Variants in TSPAN5 observed in about 807,000 individuals in gnomAD.
TSPAN5 encodes the protein tetraspanin 5.
TSPAN5 carries 10 observed loss-of-function variants against 37.1 expected under a neutral mutation model. That is an observed-to-expected ratio of 0.27 (90% CI 0.17 to 0.46). The LOEUF is 0.46. Ranked by LOEUF, TSPAN5 falls within the 20% of genes least tolerant of loss-of-function variation. TSPAN5 has a pLI of 1.00. For synonymous variants in TSPAN5, 110 were observed against 118.9 expected (o/e 0.93, Z 0.48); for missense variants, 195 against 326.6 (o/e 0.60, Z 3.11).
At chr4:98,507,523 T>C (rs1205961979) in intron 2 of TSPAN5, among the ~76,000 whole-genome samples, 155 bp downstream of exon 2, 2 of 152,208 alleles carry the variant, frequency 1.3e-5, no homozygotes, top group Non-Finnish European at 2.9e-5. Context: ...TAAAGTGTCT[T>C]TGAGAGTATG....
chr4:98,504,715 G>GA (rs1753435456), intron 2 of TSPAN5, among the ~76,000 whole-genome samples: 2 of 152,128 alleles, frequency 1.3e-5, no homozygotes, highest in Admixed American at 1.3e-4. Context: ...TGCCAAACAA[G>GA]GAAATGGCAT....
chr4:98,554,088 A>AT lies in TSPAN5; in HGVS notation c.82-46361_82-46360insA, dbSNP rs1173878842. ...TCTAAAAAAAAAATAAATTAAAAAA[A>AT]AAATGTAAAAAGCAGTCTTGATGAG... On this transcript the variant is annotated intron_variant, in intron 1 of 7. Transcript: ENST00000305798. 1.0e-3 allele frequency among the ~76,000 whole-genome samples: 157 copies of AT among 151,268 alleles called. 1 individual carries two copies. The highest frequency in any genetic ancestry group is 7.8e-3 in the East Asian group (40 of 5,120).
At chr4:98,651,684 G>A (rs1196746716) in intron 1 of TSPAN5, among the ~76,000 whole-genome samples, 1 of 152,092 alleles carries the variant, frequency 6.6e-6, no homozygotes, top group Non-Finnish European at 1.5e-5. Context: ...TGGAAATGAT[G>A]GGGAGACAGA....
At chr4:98,603,226 T>G (rs1755925727) in intron 1 of TSPAN5, among the ~76,000 whole-genome samples, 1 of 152,222 alleles carries the variant, frequency 6.6e-6, no homozygotes, top group Non-Finnish European at 1.5e-5. Flanking sequence ...CTAATCATTT[T>G]ACCTACTAGT....
At chr4:98,478,543 A>T in intron 5 of TSPAN5, 142 bp downstream of exon 5, 1 of 941,042 alleles carries the variant, frequency 1.1e-6, no homozygotes, top group Non-Finnish European at 1.6e-6. Flanking sequence ...GGAAGATTTG[A>T]GCACCATAAC....
intron 1 of TSPAN5, among the ~76,000 whole-genome samples, chr4:98,563,870 G>A (rs1754933182): frequency 6.6e-6 from 1 of 152,130 alleles, no homozygotes. Flanking sequence ...GGCATCTAGT[G>A]GGTAGAGGTT....
intron 1 of TSPAN5, among the ~76,000 whole-genome samples, chr4:98,570,894 A>ACT (rs1755103692): frequency 1.3e-5 from 2 of 151,880 alleles, no homozygotes; most frequent in African/African-American, 4.8e-5. Flanking sequence ...CTCACCTACC[A>ACT]GTACCCTGAG....
intron 1 of TSPAN5, among the ~76,000 whole-genome samples, chr4:98,554,016 G>A (rs191880066): frequency 2.0e-5 from 3 of 151,966 alleles, no homozygotes; most frequent in South Asian, 2.1e-4. Context: ...GCAGTGAGCC[G>A]AGATCATGCC....
At chr4:98,603,483 T>C (rs992253674) in intron 1 of TSPAN5, among the ~76,000 whole-genome samples, 3 of 152,216 alleles carry the variant, frequency 2.0e-5, no homozygotes, top group African/African-American at 7.2e-5. Context: ...CCATGATTAG[T>C]TGGCCAGCTC....
chr4:98,584,401 T>A (rs1378212967), intron 1 of TSPAN5, among the ~76,000 whole-genome samples: 1 of 152,230 alleles, frequency 6.6e-6, no homozygotes, highest in Non-Finnish European at 1.5e-5. Context: ...ATTACTGAGG[T>A]CAGAGATTGC....
At chr4:98,502,153 A>G (rs1753367876) in intron 2 of TSPAN5, among the ~76,000 whole-genome samples, 1 of 152,162 alleles carries the variant, frequency 6.6e-6, no homozygotes, top group African/African-American at 2.4e-5. Context: ...GCAGGTTGGG[A>G]GGGCATGAGA....
intron 1 of TSPAN5, among the ~76,000 whole-genome samples, chr4:98,652,277 G>A (rs1454392409): frequency 6.6e-6 from 1 of 152,116 alleles, no homozygotes; most frequent in Non-Finnish European, 1.5e-5. Flanking sequence ...TGATTTATTT[G>A]GAAGTTAGAA....
At position 98,470,537 on chromosome 4, in the gene TSPAN5, T is replaced by C. The variant is rs1223925139; in HGVS notation, c.*1985A>G. On this transcript the variant is annotated 3_prime_UTR_variant, in exon 8 of 8. Coordinates refer to ENST00000305798, the MANE Select transcript of TSPAN5 (RefSeq NM_005723.4). ...CCTGATTCTGAATCAATTGGCCAGA[T>C]GGAGTTCACTGGAGAATGAGGCAAT... 6.6e-6 allele frequency: 1 copy of C among 152,184 alleles called. No individual in the cohort carries two copies. Among genetic ancestry groups the C allele is most frequent in the Non-Finnish European group, 1.5e-5 (1 of 68,032 alleles). 9.4% of individuals were successfully genotyped at this position (152,184 alleles called of 1,614,324 possible). A position where few individuals can be genotyped will look rare whatever the true frequency, so the allele number is the denominator to read the frequency against.
intron 1 of TSPAN5, among the ~76,000 whole-genome samples, chr4:98,552,218 T>A (rs1318696045): frequency 6.6e-6 from 1 of 152,196 alleles, no homozygotes; most frequent in Non-Finnish European, 1.5e-5. Context: ...TTTGCTCTGA[T>A]CTTTGTCGCT....
intron 7 of TSPAN5, among the ~76,000 whole-genome samples, chr4:98,474,271 C>A (rs868389724): frequency 4.6e-5 from 7 of 152,032 alleles, no homozygotes; most frequent in Admixed American, 3.9e-4. Flanking sequence ...TTCCCAGTAC[C>A]ATTTGTTGAA....
Position 98,603,105 on chromosome 4 carries a change from C to A in TSPAN5, c.81+55041G>T, listed in dbSNP as rs373916414. Among the ~76,000 whole-genome samples the A allele has an allele frequency of 2.0e-4, 30 of 152,274 alleles. 1 individual carries two copies. The East Asian group carries it at 2.7e-3, about 14-fold the overall frequency. On this transcript the variant is annotated intron_variant, in intron 1 of 7. Transcript: ENST00000305798. ...TTTCCTTCTTCTATACCTTTGAACT[C>A]AAAAATTCTCAAAAGTCTCAGGTTC... is the stretch of plus-strand genomic sequence containing the variant.
At position 98,609,714 on chromosome 4, in the gene TSPAN5, A is replaced by C. The variant is rs114402828; in HGVS notation, c.81+48432T>G. On this transcript the variant is annotated intron_variant, in intron 1 of 7. Transcript: ENST00000305798. ...CAGCACCACCTCTCAGTTCAGGGGT[A>C]ATGTCCCAAACTCCTCTTCCCTGGG... Among the ~76,000 whole-genome samples, 848 of 152,252 alleles carry C rather than the reference A, an allele frequency of 5.6e-3. 2 individuals are homozygous for C. Among genetic ancestry groups the C allele is most frequent in the Non-Finnish European group, 9.7e-3 (660 of 68,020 alleles).
intron 1 of TSPAN5, among the ~76,000 whole-genome samples, chr4:98,512,499 G>A (rs1753630953): frequency 6.6e-6 from 1 of 152,190 alleles, no homozygotes; most frequent in Admixed American, 6.5e-5. Flanking sequence ...AAGCCTTCAG[G>A]CATAGCAGAA....
intron 1 of TSPAN5, among the ~76,000 whole-genome samples, chr4:98,564,682 G>T (rs934528161): frequency 5.9e-5 from 9 of 151,516 alleles, no homozygotes; most frequent in Non-Finnish European, 1.2e-4. Context: ...AAAATTGACT[G>T]TGTTTCTAAA....
Sources: gnomAD v4.1 joint callset for allele counts (sites outside exome capture counted in the v4.1 genomes callset) on GRCh38, gnomAD v4.1.1 for gene constraint, MANE v1.5 for transcripts, NCBI Gene and HGNC (gene_info 2026-07-23, HGNC 2026-07-21) for gene names.